Variants in TMEM198 observed in about 807,000 individuals in gnomAD.
The protein encoded by TMEM198 is transmembrane protein 198.
TMEM198 carries 21 observed loss-of-function variants against 31.5 expected under a neutral mutation model. That is an observed-to-expected ratio of 0.67 (90% CI 0.47 to 0.96). The LOEUF is 0.96. TMEM198 is among the 40% of genes least tolerant of loss of function. TMEM198 has a pLI of 0.00. For synonymous variants in TMEM198, 211 were observed against 223.3 expected, an observed-to-expected ratio of 0.95 and a Z score of 0.49; for missense variants, 447 against 499.4, an observed-to-expected ratio of 0.89 and a Z score of 1.00.
At chr2:219,544,467 C>G in intron 1 of TMEM198, 90 bp downstream of exon 1, 1 of 580,558 alleles carries the variant, frequency 1.7e-6, no homozygotes, top group African/African-American at 1.9e-5. Context: ...CTTCATCCCC[C>G]CGACTCCCGT....
chr2:219,546,344 A>G (rs948616824), intron 2 of TMEM198, among the ~76,000 whole-genome samples: 3 of 152,086 alleles, frequency 2.0e-5, no homozygotes, highest in South Asian at 2.1e-4. Flanking sequence ...GAAACTCCAC[A>G]AACACTGTTT....
At chr2:219,549,102 A>C in intron 3 of TMEM198, 50 bp from the exon 4 acceptor site, 2 of 1,607,240 alleles carry the variant, frequency 1.2e-6, no homozygotes, top group Non-Finnish European at 1.7e-6. Flanking sequence ...GGCTCAAGGG[A>C]AACAAGGCGC....
At position 219,549,906 on chromosome 2, in the gene TMEM198, G is replaced by A; in HGVS notation, c.*52G>A. On this transcript the variant is annotated 3_prime_UTR_variant, in exon 5 of 5. Transcript: ENST00000373883. Reference sequence around the variant, plus strand: ...GTCACCAGCTCTGCCAGCTCGAGGAGGCCTGCTAGGCTGCCACTCAGCCTC... The same window carrying A: ...GTCACCAGCTCTGCCAGCTCGAGGAAGCCTGCTAGGCTGCCACTCAGCCTC... 6.3e-7 allele frequency: 1 copy of A among 1,585,568 alleles called. No individual in the cohort carries two copies. Among genetic ancestry groups the A allele is most frequent in the Non-Finnish European group, 8.6e-7 (1 of 1,159,930 alleles).
At position 219,549,906 on chromosome 2, in the gene TMEM198, G is replaced by C. The variant is rs1435364264; in HGVS notation, c.*52G>C. ...GTCACCAGCTCTGCCAGCTCGAGGA[G>C]GCCTGCTAGGCTGCCACTCAGCCTC... On this transcript the variant is annotated 3_prime_UTR_variant, in exon 5 of 5. Transcript: ENST00000373883. 6.3e-7 allele frequency: 1 copy of C among 1,585,568 alleles called. No individual in the cohort carries two copies. Among genetic ancestry groups the C allele is most frequent in the Admixed American group, 1.7e-5 (1 of 58,576 alleles).
intron 2 of TMEM198, among the ~76,000 whole-genome samples, chr2:219,546,944 A>C (rs927540243): frequency 6.6e-6 from 1 of 151,658 alleles, no homozygotes; most frequent in Non-Finnish European, 1.5e-5. Flanking sequence ...ATGCCCGGCT[A>C]ATTTTTCGTA....
rs567499625 is a variant in TMEM198 at position 219,548,505 on chromosome 2, A to G, written c.742+424A>G. Among the ~76,000 whole-genome samples the G allele has an allele frequency of 3.3e-5, 5 of 152,280 alleles. No homozygotes were observed. In the East Asian group the frequency reaches 7.7e-4, roughly 24 times the overall value. The stretch of plus-strand genomic sequence containing the variant: ...GGGAAGGCTGCTTGAAGGAGGTGAT[A>G]TGTAAGCAGGCACTTGAAGGCTAAG... On this transcript the variant is annotated intron_variant, in intron 3 of 4. Transcript: ENST00000373883.
At position 219,547,821 on chromosome 2, in the gene TMEM198, C is replaced by T; in HGVS notation, c.482C>T (p.Ala161Val). The change falls in exon 3 of 5, where the codon GCC becomes GTC. Residue 161 changes from alanine (A) to valine (V), a missense_variant. By Grantham distance (64) the Ala-to-Val change is moderately conservative. Coordinates refer to ENST00000373883, the MANE Select transcript of TMEM198 (RefSeq NM_001005209.3). Reference sequence around the variant, plus strand: ...TTGCTGGGGGGCGGCCTGCTCTGTGCCCTGCTCACTCTGCGCTGGCCCCGC... The same window carrying T: ...TTGCTGGGGGGCGGCCTGCTCTGTGTCCTGCTCACTCTGCGCTGGCCCCGC... ...GLLLGGGLLC[A>V]LLTLRWPRPL... is the part of the protein sequence containing the mutation. 4 of 1,591,174 alleles carry T rather than the reference C, an allele frequency of 2.5e-6. No homozygotes were observed. Among genetic ancestry groups the T allele is most frequent in the Non-Finnish European group, 3.4e-6 (4 of 1,174,930 alleles).
Position 219,550,572 on chromosome 2 carries a change from A to AC in TMEM198, c.*718_*719insC, listed in dbSNP as rs1362896174. ...GTTTTACATCTTTTATAAATGTGCC[A>AC]AACTGTGTGGCCTCTGCCAGGAATG... On this transcript the variant is annotated 3_prime_UTR_variant, in exon 5 of 5. Transcript: ENST00000373883. The AC allele has an allele frequency of 4.3e-5, 23 of 537,810 alleles. No individual in the cohort carries two copies. Among genetic ancestry groups the AC allele is most frequent in the Non-Finnish European group, 7.0e-5 (21 of 300,268 alleles). The allele number at this position is 537,810 out of a possible 1,614,324, so 33.3% of individuals were successfully genotyped here.
At chr2:219,548,709 C>T (rs572791339) in intron 3 of TMEM198, among the ~76,000 whole-genome samples, 3 of 152,266 alleles carry the variant, frequency 2.0e-5, no homozygotes, top group Admixed American at 2.0e-4. Context: ...ATTAGAAGGG[C>T]AATAAGACTT....
At chr2:219,549,474 G>T in intron 4 of TMEM198, 120 bp downstream of exon 4, 1 of 1,327,856 alleles carries the variant, frequency 7.5e-7, no homozygotes. Flanking sequence ...TCCATGAACT[G>T]TTTGTCCATG....
chr2:219,550,541 C>A lies in TMEM198; in HGVS notation c.*687C>A. On this transcript the variant is annotated 3_prime_UTR_variant, in exon 5 of 5. Transcript: ENST00000373883. ...CCTCATGCTTCTGTCTCCCCCACCCCACTCTGTTTTACATCTTTTATAAAT... is the reference window on the plus strand; with the variant it reads ...CCTCATGCTTCTGTCTCCCCCACCCAACTCTGTTTTACATCTTTTATAAAT... 2.2e-6 allele frequency: 1 copy of A among 456,692 alleles called. No individual in the cohort carries two copies. The highest frequency in any genetic ancestry group is 4.0e-6 in the Non-Finnish European group (1 of 251,254). The allele number at this position is 456,692 out of a possible 1,614,324, so 28.3% of individuals were successfully genotyped here. A position where few individuals can be genotyped will look rare whatever the true frequency, so the allele number is the denominator to read the frequency against.
intron 1 of TMEM198, 78 bp from the exon 2 acceptor site, chr2:219,544,611 G>C: frequency 8.2e-7 from 1 of 1,220,472 alleles, no homozygotes; most frequent in Non-Finnish European, 1.2e-6. Context: ...TCCTTGCTGA[G>C]TTCTCCCAAT....
rs1695529133 is a variant in TMEM198, at chr2:219,550,180, T to A, written c.*326T>A. On this transcript the variant is annotated 3_prime_UTR_variant, in exon 5 of 5. Coordinates refer to ENST00000373883, the MANE Select transcript of TMEM198 (RefSeq NM_001005209.3). ...GGGACGCTGGGACCCTTGCCTTAGA[T>A]TTCTGACTGGTAGGGTTTCTCCAGG... The A allele has an allele frequency of 7.7e-6, 2 of 258,218 alleles. No homozygotes were observed. The highest frequency in any genetic ancestry group is 9.8e-5 in the Admixed American group (2 of 20,308). The allele number at this position is 258,218 out of a possible 1,614,324, so 16.0% of individuals were successfully genotyped here. A position where few individuals can be genotyped will look rare whatever the true frequency, so the allele number is the denominator to read the frequency against.
intron 2 of TMEM198, among the ~76,000 whole-genome samples, chr2:219,546,711 C>T (rs1394681143): frequency 2.6e-5 from 4 of 151,966 alleles, no homozygotes; most frequent in African/African-American, 7.2e-5. Context: ...GTGCCATTAT[C>T]TCTGAAGCCC....
At position 219,547,933 on chromosome 2, in the gene TMEM198, G is replaced by T; in HGVS notation, c.594G>T (p.Gly198=). 1 of 1,595,160 alleles carries T rather than the reference G, an allele frequency of 6.3e-7. No individual in the cohort carries two copies. Among genetic ancestry groups the T allele is most frequent in the Non-Finnish European group, 8.5e-7 (1 of 1,177,290 alleles). ...ACTTCGCCGAGCTGCTACTGCTGGG[G>T]CGCTACGTGGTGGAGCGACTCCGGG... ...ADYFAELLLL[G]RYVVERLRAA... Residue 198 remains glycine, a synonymous_variant, in exon 3 of 5, where the codon GGG becomes GGT. Transcript: ENST00000373883.
Position 219,549,189 on chromosome 2 carries a change from G to T in TMEM198, c.780G>T (p.Met260Ile), listed in dbSNP as rs1310866263. ...GGCAGCGCCGACGCGTGCAACTGATGCGGATTCGGCAGCAGGAAGATCGCA... is the reference window on the plus strand; with the variant it reads ...GGCAGCGCCGACGCGTGCAACTGATTCGGATTCGGCAGCAGGAAGATCGCA... ...ISRQRRRVQL[M>I]RIRQQEDRKE... The change falls in exon 4 of 5, where the codon ATG (methionine) becomes ATT (isoleucine). Residue 260 changes from methionine (M) to isoleucine (I), a missense_variant. Physicochemically the swap from Met to Ile is conservative, Grantham distance 10 (BLOSUM62 1). Transcript: ENST00000373883. 1.9e-6 allele frequency: 3 copies of T among 1,613,892 alleles called. No individual in the cohort carries two copies. Among genetic ancestry groups the T allele is most frequent in the Non-Finnish European group, 1.7e-6 (2 of 1,180,034 alleles).
chr2:219,549,853 A>G lies in TMEM198; in HGVS notation c.1082A>G (p.Ter361TrpextTer6). ...TACSGPPVRV[*>W] ...TGCTCAGGCCCCCCAGTGCGGGTAT[A>G]GCCATATCTGTCTGTCTAGACTCTG... Residue 361 changes from the stop codon to tryptophan, a stop_lost, in exon 5 of 5, where the codon TAG (stop) becomes TGG (tryptophan). Transcript: ENST00000373883. 2 of 1,613,788 alleles carry G rather than the reference A, an allele frequency of 1.2e-6. No individual in the cohort carries two copies. Among genetic ancestry groups the G allele is most frequent in the Non-Finnish European group, 1.7e-6 (2 of 1,179,792 alleles).
rs556597408 is a variant in TMEM198, at chr2:219,544,655, G to GA, written c.-39-33dup. On this transcript the variant is annotated intron_variant, in intron 1 of 4. Coordinates refer to ENST00000373883, the MANE Select transcript of TMEM198 (RefSeq NM_001005209.3). ...CACCCCCATCCTGGTGGGGACCCAGGACTCCTCCGTGACCCCAACTTTCCC... is the reference window on the plus strand; with the variant it reads ...CACCCCCATCCTGGTGGGGACCCAGGAACTCCTCCGTGACCCCAACTTTCCC... The GA allele has an allele frequency of 6.4e-3, 10,079 of 1,574,294 alleles. 49 individuals are homozygous for GA. The highest frequency in any genetic ancestry group is 7.1e-3 in the Non-Finnish European group (8,196 of 1,155,882).
upstream of TMEM198, chr2:219,543,916 G>C (rs745303): frequency 2.8e-6 from 1 of 356,148 alleles, no homozygotes; most frequent in Non-Finnish European, 5.4e-6. Flanking sequence ...TCCTCAGTGC[G>C]GGAGAGGGAG....
Sources: allele counts gnomAD v4.1 joint callset (sites outside exome capture counted in the v4.1 genomes callset), GRCh38; gene constraint gnomAD v4.1.1; transcripts MANE v1.5; gene names NCBI Gene and HGNC (gene_info 2026-07-23, HGNC 2026-07-21).